The following ZNF804B variants were observed in gnomAD, a reference collection of about 807,000 sequenced individuals.
The protein encoded by ZNF804B is zinc finger 804B.
In ZNF804B, 80 loss-of-function variants were observed where a neutral mutation model predicts 101.4. That is an observed-to-expected ratio of 0.79 (90% confidence interval 0.66 to 0.95). The LOEUF (loss-of-function observed/expected upper bound fraction) is 0.95, where lower values mean the gene tolerates loss of function less well. Among genes scored for constraint, ZNF804B ranks in the 40% least tolerant of loss-of-function variants. ZNF804B has a pLI of 0.00. For synonymous variants in ZNF804B, 622 were observed against 558.8 expected (o/e 1.11, Z -1.59); for missense variants, 1,673 against 1,561.9 (o/e 1.07, Z -1.20).
chr7:88,862,915 G>A (rs1011055281), intron 1 of ZNF804B, among the ~76,000 whole-genome samples: 4 of 152,092 alleles, frequency 2.6e-5, no homozygotes, highest in African/African-American at 9.7e-5. Context: ...TCAATGCAGT[G>A]CTCTCTATTC....
At chr7:89,120,322 A>C (rs1395383019) in intron 1 of ZNF804B, among the ~76,000 whole-genome samples, 5 of 151,664 alleles carry the variant, frequency 3.3e-5, no homozygotes, top group East Asian at 1.9e-4. Flanking sequence ...CCAAACCAAA[A>C]CAAAACAAAG....
In ZNF804B at chr7:89,266,877, T is replaced by TTGTGTGTGTGTG. The variant is rs66604616; in HGVS notation, c.249+48586_249+48597dup. Among the ~76,000 whole-genome samples, 217 of 150,958 alleles carry TTGTGTGTGTGTG rather than the reference T, an allele frequency of 1.4e-3. 1 individual carries two copies. The highest frequency in any genetic ancestry group is 4.1e-3 in the African/African-American group (167 of 40,956). On this transcript the variant is annotated intron_variant, in intron 2 of 3. Transcript: ENST00000333190. Reference sequence around the variant, plus strand: ...AGTACTAATGTTTGTGTGTCTGTGTTTGTGTGTGTGTGTGTCTTTGGGAGT... The same window carrying TTGTGTGTGTGTG: ...AGTACTAATGTTTGTGTGTCTGTGTTTGTGTGTGTGTGTGTGTGTGTGTGTGTCTTTGGGAGT...
chr7:88,778,492 C>G (rs560850447), intron 1 of ZNF804B, among the ~76,000 whole-genome samples: 2 of 152,338 alleles, frequency 1.3e-5, no homozygotes, highest in Non-Finnish European at 2.9e-5. Flanking sequence ...GACTCCTATA[C>G]ATCTGTAGTT....
intron 1 of ZNF804B, among the ~76,000 whole-genome samples, chr7:88,903,673 T>A (rs1792425252): frequency 6.6e-6 from 1 of 152,178 alleles, no homozygotes; most frequent in East Asian, 1.9e-4. Flanking sequence ...TGGTATCTCA[T>A]TGTTATTTTG....
At chr7:88,885,432 C>T (rs943658923) in intron 1 of ZNF804B, among the ~76,000 whole-genome samples, 9 of 151,130 alleles carry the variant, frequency 6.0e-5, no homozygotes, top group African/African-American at 1.9e-4. Context: ...CTAAACAATA[C>T]AATATTGCTA....
chr7:89,312,314 T>C (rs1337359257), intron 2 of ZNF804B, among the ~76,000 whole-genome samples: 1 of 152,182 alleles, frequency 6.6e-6, no homozygotes, highest in East Asian at 1.9e-4. Flanking sequence ...TGACAAGCAA[T>C]CTTTATGTCC....
At chr7:88,922,273 G>C (rs1348334475) in intron 1 of ZNF804B, among the ~76,000 whole-genome samples, 7 of 151,958 alleles carry the variant, frequency 4.6e-5, no homozygotes, top group African/African-American at 1.2e-4. Flanking sequence ...CAGTTTTGCT[G>C]GGAACTGTCA....
chr7:89,022,289 T>G (rs1350257395), intron 1 of ZNF804B, among the ~76,000 whole-genome samples: 3 of 152,210 alleles, frequency 2.0e-5, no homozygotes, highest in African/African-American at 7.2e-5. Flanking sequence ...GGAGGATGAG[T>G]GTCATGTGCC....
intron 1 of ZNF804B, among the ~76,000 whole-genome samples, chr7:88,857,304 A>G (rs1266974138): frequency 6.6e-6 from 1 of 152,216 alleles, no homozygotes; most frequent in African/African-American, 2.4e-5. Flanking sequence ...AAACCCTCCA[A>G]AAAATCAATG....
At chr7:88,823,609 G>C (rs564777643) in intron 1 of ZNF804B, among the ~76,000 whole-genome samples, 1 of 152,096 alleles carries the variant, frequency 6.6e-6, no homozygotes, top group East Asian at 1.9e-4. Context: ...ATTTCAGTGG[G>C]GAATGGCAGT....
intron 1 of ZNF804B, among the ~76,000 whole-genome samples, chr7:89,115,896 G>C (rs541201695): frequency 1.8e-5 from 1 of 55,690 alleles, no homozygotes; most frequent in Non-Finnish European, 3.4e-5. Context: ...AGGTCAACAG[G>C]TTTTTTTGTT....
At chr7:89,298,195 C>CATA (rs1562940113) in intron 2 of ZNF804B, among the ~76,000 whole-genome samples, 1 of 36,882 alleles carries the variant, frequency 2.7e-5, no homozygotes, top group African/African-American at 9.6e-5. Context: ...GTATATATAT[C>CATA]TATATAGTGT....
At chr7:88,819,792 C>T (rs1277289649) in intron 1 of ZNF804B, among the ~76,000 whole-genome samples, 6 of 152,010 alleles carry the variant, frequency 3.9e-5, no homozygotes, top group African/African-American at 1.5e-4. Flanking sequence ...AAATTTAGCG[C>T]AATTATTCTG....
At chr7:88,760,399 C>A (rs2519936) in intron 1 of ZNF804B, among the ~76,000 whole-genome samples, 1 of 152,142 alleles carries the variant, frequency 6.6e-6, no homozygotes, top group East Asian at 1.9e-4. Flanking sequence ...TGTCAACTTA[C>A]GAATCTGCTG....
chr7:88,769,749 G>A lies in ZNF804B; in HGVS notation c.108+9665G>A, dbSNP rs541210921. 7.9e-5 allele frequency among the ~76,000 whole-genome samples: 12 copies of A among 152,222 alleles called. No individual in the cohort carries two copies. The South Asian group carries it at 2.5e-3, about 32-fold the overall frequency. Reference sequence around the variant, plus strand: ...GCAGCCTTTGAGATAGCAACATCCTGGAAAAGCCACAGTGTGGTTGTATCA... The same window carrying A: ...GCAGCCTTTGAGATAGCAACATCCTAGAAAAGCCACAGTGTGGTTGTATCA... On this transcript the variant is annotated intron_variant, in intron 1 of 3. Transcript: ENST00000333190.
At chr7:89,149,471 A>T (rs2015542) in intron 1 of ZNF804B, among the ~76,000 whole-genome samples, 81,545 of 151,822 alleles carry the variant, frequency 0.54, 22,145 homozygotes, top group Middle Eastern at 0.61. Context: ...TTAACATTAC[A>T]AATAAAGTTA....
intron 1 of ZNF804B, among the ~76,000 whole-genome samples, chr7:88,783,922 G>A (rs539407903): frequency 3.3e-5 from 5 of 152,156 alleles, no homozygotes; most frequent in South Asian, 4.1e-4. Flanking sequence ...CAAGTTTAAT[G>A]AATATACATT....
chr7:88,857,784 A>C (rs1342925292), intron 1 of ZNF804B, among the ~76,000 whole-genome samples: 1 of 149,520 alleles, frequency 6.7e-6, no homozygotes, highest in Non-Finnish European at 1.5e-5. Flanking sequence ...CCTGATACCA[A>C]ATTCTTTCTT....
chr7:88,766,165 C>T (rs1265216326), intron 1 of ZNF804B, among the ~76,000 whole-genome samples: 1 of 152,064 alleles, frequency 6.6e-6, no homozygotes, highest in South Asian at 2.1e-4. Context: ...AAAAAATCAG[C>T]TGGGCTCAGT....
Sources: allele counts gnomAD v4.1 joint callset (sites outside exome capture counted in the v4.1 genomes callset), GRCh38; gene constraint gnomAD v4.1.1; transcripts MANE v1.5; gene names NCBI Gene and HGNC (gene_info 2026-07-23, HGNC 2026-07-21).